The following CSMD1 variants were observed in gnomAD, a reference collection of about 807,000 sequenced individuals.
CSMD1 encodes CUB and sushi domain-containing protein 1.
A neutral mutation model predicts 417.5 loss-of-function variants in CSMD1; 213 were observed. That is an observed-to-expected ratio of 0.51 (90% CI 0.46 to 0.57). The LOEUF is 0.57. Ranked by LOEUF, CSMD1 falls within the 20% of genes least tolerant of loss-of-function variation. The pLI is 0.00. For missense variants in CSMD1, 6,923 were observed against 4,529.7 expected (o/e 1.53, Z -15.17); for synonymous variants, 2,862 against 1,736.8 (o/e 1.65, Z -16.11).
At chr8:3,026,859 G>A (rs1408012586) in intron 51 of CSMD1, among the ~76,000 whole-genome samples, 1 of 152,128 alleles carries the variant, frequency 6.6e-6, no homozygotes, top group Non-Finnish European at 1.5e-5. Flanking sequence ...CAAAGAGGCT[G>A]GGCTATCCCT....
At position 3,520,454 on chromosome 8, in the gene CSMD1, T is replaced by C. The variant is rs182668188; in HGVS notation, c.1345-26728A>G. ...TCTTAAAAATAAAACAATCTTAAAA[T>C]ATCAAGTTACTATTGCTAGACTGTA... On this transcript the variant is annotated intron_variant, in intron 10 of 69. Coordinates refer to ENST00000635120, the MANE Select transcript of CSMD1 (RefSeq NM_033225.6). Among the ~76,000 whole-genome samples the C allele has an allele frequency of 3.2e-3, 481 of 152,324 alleles. 5 individuals are homozygous for C. Among genetic ancestry groups the C allele is most frequent in the African/African-American group, 0.011 (458 of 41,570 alleles).
At chr8:3,408,558 A>C (rs562968077) in intron 13 of CSMD1, among the ~76,000 whole-genome samples, 2 of 151,530 alleles carry the variant, frequency 1.3e-5, no homozygotes, top group Middle Eastern at 3.4e-3. Flanking sequence ...AGCAAATATT[A>C]ATATGGAAAA....
At chr8:4,300,926 G>C (rs1364052536) in intron 3 of CSMD1, among the ~76,000 whole-genome samples, 2 of 152,142 alleles carry the variant, frequency 1.3e-5, no homozygotes, top group Non-Finnish European at 2.9e-5. Flanking sequence ...TCTTAATCCA[G>C]ACTATCGTTG....
rs565607266 is a variant in CSMD1, at chr8:4,070,283, T to C, written c.416-38184A>G. Among the ~76,000 whole-genome samples the C allele has an allele frequency of 2.6e-5, 4 of 152,324 alleles. No homozygotes were observed. In the East Asian group the frequency reaches 5.8e-4, roughly 22 times the overall value. ...ATTCAAACTCTAAAACATAATGTTG[T>C]TATTTTTACTTAAAAAGTCTCATGC... is the stretch of plus-strand genomic sequence containing the variant. On this transcript the variant is annotated intron_variant, in intron 3 of 69. Coordinates refer to ENST00000635120, the MANE Select transcript of CSMD1 (RefSeq NM_033225.6).
At chr8:4,459,339 A>G (rs976903011) in intron 2 of CSMD1, among the ~76,000 whole-genome samples, 2 of 152,204 alleles carry the variant, frequency 1.3e-5, no homozygotes, top group Non-Finnish European at 2.9e-5. Context: ...AAACCAAGAC[A>G]ATCAAGCTCT....
chr8:3,850,424 G>C (rs1803817967), intron 5 of CSMD1, among the ~76,000 whole-genome samples: 1 of 152,326 alleles, frequency 6.6e-6, no homozygotes, highest in East Asian at 1.9e-4. Context: ...GCCTGGCATG[G>C]TGGCTCAGGC....
At chr8:3,244,275 G>A (rs752509296) in intron 26 of CSMD1, among the ~76,000 whole-genome samples, 17 of 152,128 alleles carry the variant, frequency 1.1e-4, no homozygotes, top group Non-Finnish European at 2.4e-4. Context: ...TCAGTAGCCT[G>A]CGAAGCTCCT....
intron 7 of CSMD1, among the ~76,000 whole-genome samples, chr8:3,665,210 T>C (rs1000904135): frequency 2.0e-5 from 3 of 152,156 alleles, no homozygotes; most frequent in Non-Finnish European, 2.9e-5. Flanking sequence ...TACTGATATA[T>C]TGTTTTGCTA....
chr8:3,677,976 C>A (rs1799465344), intron 7 of CSMD1, among the ~76,000 whole-genome samples: 1 of 152,086 alleles, frequency 6.6e-6, no homozygotes, highest in Non-Finnish European at 1.5e-5. Context: ...TGACTTGGTG[C>A]AGGGACTCAC....
chr8:4,780,819 G>A (rs888628617), intron 1 of CSMD1, among the ~76,000 whole-genome samples: 1 of 152,130 alleles, frequency 6.6e-6, no homozygotes, highest in Non-Finnish European at 1.5e-5. Flanking sequence ...AACATACAAT[G>A]TTTGGTTTTC....
At position 4,404,444 on chromosome 8, in the gene CSMD1, G is replaced by A. The variant is rs534355715; in HGVS notation, c.415+15509C>T. Among the ~76,000 whole-genome samples, 6 of 152,214 alleles carry A rather than the reference G, an allele frequency of 3.9e-5. No homozygotes were observed. In the East Asian group the frequency reaches 9.6e-4, roughly 24 times the overall value. Reference sequence around the variant, plus strand: ...CATCAATAAATATTTGTCAAGCAACGAAAGTAATTTTTGCAAAGCCAAACT... The same window carrying A: ...CATCAATAAATATTTGTCAAGCAACAAAAGTAATTTTTGCAAAGCCAAACT... On this transcript the variant is annotated intron_variant, in intron 3 of 69. Coordinates refer to ENST00000635120, the MANE Select transcript of CSMD1 (RefSeq NM_033225.6).
At chr8:3,882,597 C>G (rs570516788) in intron 5 of CSMD1, among the ~76,000 whole-genome samples, 2 of 152,288 alleles carry the variant, frequency 1.3e-5, no homozygotes, top group African/African-American at 2.4e-5. Context: ...TTCATAGTAG[C>G]ACTATTTGTA....
At chr8:4,469,508 C>A (rs1057316484) in intron 2 of CSMD1, among the ~76,000 whole-genome samples, 1 of 152,154 alleles carries the variant, frequency 6.6e-6, no homozygotes, top group African/African-American at 2.4e-5. Flanking sequence ...TTACCTAGAA[C>A]CAAACCTATT....
chr8:4,765,141 C>A (rs997714743), intron 1 of CSMD1, among the ~76,000 whole-genome samples: 52 of 152,226 alleles, frequency 3.4e-4, no homozygotes, highest in African/African-American at 1.3e-3. Context: ...GATGTTCACA[C>A]AGTTAATATA....
At chr8:3,575,176 A>G in intron 9 of CSMD1, 110 bp from the exon 10 acceptor site, 1 of 1,124,096 alleles carries the variant, frequency 8.9e-7, no homozygotes, top group Non-Finnish European at 1.2e-6. Context: ...ACAGTAAAAA[A>G]AAAAAAAAAA....
At chr8:4,051,409 A>G (rs1798418241) in intron 3 of CSMD1, among the ~76,000 whole-genome samples, 1 of 152,040 alleles carries the variant, frequency 6.6e-6, no homozygotes, top group Non-Finnish European at 1.5e-5. Flanking sequence ...AGCATAATGT[A>G]GTTAAATCAG....
At chr8:4,489,865 G>C (rs1051105133) in intron 2 of CSMD1, among the ~76,000 whole-genome samples, 1 of 152,124 alleles carries the variant, frequency 6.6e-6, no homozygotes, top group Non-Finnish European at 1.5e-5. Flanking sequence ...AGGGTGCCCA[G>C]CCATGCCTTG....
chr8:3,658,936 C>T (rs1023120752), intron 7 of CSMD1, among the ~76,000 whole-genome samples: 5 of 152,154 alleles, frequency 3.3e-5, no homozygotes, highest in African/African-American at 1.2e-4. Context: ...CCAAATAATG[C>T]ATATTTAAAA....
At chr8:3,740,773 A>G (rs532203794) in intron 6 of CSMD1, among the ~76,000 whole-genome samples, 3 of 152,202 alleles carry the variant, frequency 2.0e-5, no homozygotes, top group Non-Finnish European at 4.4e-5. Context: ...AAAAAGTGAA[A>G]TGAAGAATCA....
Sources: gnomAD v4.1 joint callset for allele counts (sites outside exome capture counted in the v4.1 genomes callset) on GRCh38, gnomAD v4.1.1 for gene constraint, MANE v1.5 for transcripts, NCBI Gene and HGNC (gene_info 2026-07-23, HGNC 2026-07-21) for gene names.